Variants in HECW1 observed in about 807,000 individuals in gnomAD.
HECW1 encodes the protein HECT, C2 and WW domain containing E3 ubiquitin protein ligase 1.
A neutral mutation model predicts 182.3 loss-of-function variants in HECW1; 61 were observed. The ratio of observed to expected loss-of-function variants is 0.33; its 90% CI spans 0.27 to 0.41. HECW1 has a LOEUF of 0.41. HECW1 is among the 10% of genes least tolerant of loss of function. The probability of loss-of-function intolerance (pLI) is 1.00; values close to 1 mark genes in which losing one functional copy is unlikely to be tolerated. For synonymous variants in HECW1, 859 were observed against 832.6 expected, an observed-to-expected ratio of 1.03 and a Z score of -0.55; for missense variants, 1,739 against 2,108.9, an observed-to-expected ratio of 0.82 and a Z score of 3.44.
At chr7:43,202,524 A>G (rs1484957932) in intron 2 of HECW1, among the ~76,000 whole-genome samples, 1 of 148,510 alleles carries the variant, frequency 6.7e-6, no homozygotes, top group East Asian at 2.0e-4. Flanking sequence ...CCCAGGCTGG[A>G]GTGCAGTGGT....
chr7:43,223,694 T>G (rs768202071), intron 2 of HECW1, among the ~76,000 whole-genome samples: 1 of 152,002 alleles, frequency 6.6e-6, no homozygotes, highest in Non-Finnish European at 1.5e-5. Flanking sequence ...TCCTTGGGAG[T>G]AGAATCAGAG....
chr7:43,372,020 C>T (rs1174517181), intron 6 of HECW1, among the ~76,000 whole-genome samples: 1 of 152,072 alleles, frequency 6.6e-6, no homozygotes, highest in African/African-American at 2.4e-5. Flanking sequence ...TGGGATTTCA[C>T]CATGTTGGCC....
At chr7:43,128,403 C>G (rs1393691201) in intron 2 of HECW1, among the ~76,000 whole-genome samples, 1 of 152,164 alleles carries the variant, frequency 6.6e-6, no homozygotes, top group African/African-American at 2.4e-5. Context: ...TCTATTTTGC[C>G]TGTGCTCTGT....
intron 18 of HECW1, 53 bp downstream of exon 18, chr7:43,492,233 C>T: frequency 1.6e-6 from 2 of 1,282,990 alleles, no homozygotes. Context: ...AACACCTAGA[C>T]TTGATTTTTT....
chr7:43,377,316 T>C (rs1429757303), intron 6 of HECW1, among the ~76,000 whole-genome samples: 4 of 152,332 alleles, frequency 2.6e-5, no homozygotes, highest in South Asian at 2.1e-4. Flanking sequence ...GGATTAACTA[T>C]GATCAACTCA....
In HECW1 at chr7:43,344,050, G is replaced by A. The variant is rs184164380; in HGVS notation, c.461-16836G>A. 5.9e-5 allele frequency among the ~76,000 whole-genome samples: 9 copies of A among 151,960 alleles called. No individual in the cohort carries two copies. In the East Asian group the frequency reaches 1.5e-3, roughly 26 times the overall value. On this transcript the variant is annotated intron_variant, in intron 5 of 29. Transcript: ENST00000395891. ...TCGTGTGTCTGTTGGCTGCATAAAT[G>A]TCTTCTTTTGAGAAGTGTCTGTTCA...
chr7:43,509,213 A>T lies in HECW1; in HGVS notation c.4019+92A>T, dbSNP rs1342925757. On this transcript the variant is annotated intron_variant, in intron 24 of 29. Coordinates refer to ENST00000395891, the MANE Select transcript of HECW1 (RefSeq NM_015052.5). ...GCATTTCTCAAAGGCCACTGTGTTT[A>T]GAGCAGTGGCCAGATGTTATGAGGG... The T allele has an allele frequency of 2.3e-5, 30 of 1,289,526 alleles. No individual in the cohort carries two copies. In the East Asian group the frequency reaches 6.6e-4, roughly 28 times the overall value. 79.9% of individuals were successfully genotyped at this position (1,289,526 alleles called of 1,614,324 possible).
At chr7:43,478,079 A>T (rs1377826153) in intron 16 of HECW1, among the ~76,000 whole-genome samples, 1 of 152,174 alleles carries the variant, frequency 6.6e-6, no homozygotes, top group African/African-American at 2.4e-5. Flanking sequence ...GTTGCCATAT[A>T]TTGGAATATA....
At chr7:43,138,496 C>T (rs913577446) in intron 2 of HECW1, among the ~76,000 whole-genome samples, 2 of 152,144 alleles carry the variant, frequency 1.3e-5, no homozygotes, top group Admixed American at 6.5e-5. Context: ...AGTTCATTGT[C>T]GTGTCCTTTC....
At chr7:43,256,665 T>C (rs556740989) in intron 3 of HECW1, among the ~76,000 whole-genome samples, 1 of 150,808 alleles carries the variant, frequency 6.6e-6, no homozygotes, top group Admixed American at 6.6e-5. Context: ...TTCTGATTAA[T>C]AATATCATGG....
intron 3 of HECW1, among the ~76,000 whole-genome samples, chr7:43,293,219 CAAA>C (rs34748611): frequency 1.3e-5 from 1 of 76,578 alleles, no homozygotes. Flanking sequence ...GACTATGTCT[CAAA>C]AAAAAAAAAA....
In HECW1 at chr7:43,514,478, G is replaced by A. The variant is rs552572094; in HGVS notation, c.4019+5357G>A. On this transcript the variant is annotated intron_variant, in intron 24 of 29. Transcript: ENST00000395891. ...TAATTTTTGTATTTTTAGTAGAGAC[G>A]GGGTTTCACCATGTTGGACAGGCTG... 4.6e-5 allele frequency among the ~76,000 whole-genome samples: 7 copies of A among 151,960 alleles called. No homozygotes were observed. In the East Asian group the frequency reaches 5.8e-4, roughly 13 times the overall value.
intron 8 of HECW1, among the ~76,000 whole-genome samples, chr7:43,422,067 A>C (rs2152857738): frequency 6.6e-6 from 1 of 152,174 alleles, no homozygotes; most frequent in East Asian, 1.9e-4. Context: ...CAGTACAGCG[A>C]GCTCAGGGTG....
At chr7:43,119,755 C>T (rs1180929098) in intron 2 of HECW1, among the ~76,000 whole-genome samples, 2 of 152,158 alleles carry the variant, frequency 1.3e-5, no homozygotes, top group Non-Finnish European at 2.9e-5. Flanking sequence ...TCTGTCCTTT[C>T]AGTTGTTCAG....
intron 2 of HECW1, among the ~76,000 whole-genome samples, chr7:43,180,093 G>C (rs977887461): frequency 1.3e-5 from 2 of 152,220 alleles, no homozygotes; most frequent in African/African-American, 4.8e-5. Flanking sequence ...CCTTAGCAGA[G>C]TTGGTAACAT....
chr7:43,258,790 A>T (rs1319763109), intron 3 of HECW1: 1 of 151,972 alleles, frequency 6.6e-6, no homozygotes, highest in East Asian at 1.9e-4. Flanking sequence ...ACATATTTTT[A>T]TTTGTTGGAG....
At chr7:43,321,383 CT>C (rs1156904155) in intron 5 of HECW1, among the ~76,000 whole-genome samples, 1 of 152,100 alleles carries the variant, frequency 6.6e-6, no homozygotes, top group Non-Finnish European at 1.5e-5. Flanking sequence ...TTATGGCAGG[CT>C]TTTTTCATGG....
chr7:43,397,386 T>C (rs911047317), intron 7 of HECW1, among the ~76,000 whole-genome samples: 2 of 152,368 alleles, frequency 1.3e-5, no homozygotes, highest in South Asian at 2.1e-4. Context: ...GTTTTAGTTT[T>C]CATGAATGTA....
intron 8 of HECW1, among the ~76,000 whole-genome samples, chr7:43,419,332 G>T (rs1335568256): frequency 6.6e-6 from 1 of 152,142 alleles, no homozygotes; most frequent in Non-Finnish European, 1.5e-5. Flanking sequence ...ACAAGTTTTA[G>T]CAATTAACTG....
Sources: gnomAD v4.1 joint callset for allele counts (sites outside exome capture counted in the v4.1 genomes callset) on GRCh38, gnomAD v4.1.1 for gene constraint, MANE v1.5 for transcripts, NCBI Gene and HGNC (gene_info 2026-07-23, HGNC 2026-07-21) for gene names.